KCNH7: variants seen among roughly 807,000 people sequenced by gnomAD.
The protein encoded by KCNH7 is voltage-gated inwardly rectifying potassium channel KCNH7.
In KCNH7, 49 loss-of-function variants were observed where a neutral mutation model predicts 120.8. The observed-to-expected ratio is 0.41, with a 90% CI of 0.32 to 0.51. The LOEUF (loss-of-function observed/expected upper bound fraction) is 0.51, where lower values mean the gene tolerates loss of function less well. Among genes scored for constraint, KCNH7 ranks in the 20% least tolerant of loss-of-function variants. The probability of loss-of-function intolerance (pLI) is 0.38; values close to 1 mark genes in which losing one functional copy is unlikely to be tolerated. For synonymous variants in KCNH7, 547 were observed against 516.1 expected (o/e 1.06, Z -0.81); for missense variants, 1,097 against 1,446.6 (o/e 0.76, Z 3.92).
rs1036144244 is a variant in KCNH7, at chr2:162,378,536, C to T, written c.3131+1317G>A. Among the ~76,000 whole-genome samples, 3 of 152,128 alleles carry T rather than the reference C, an allele frequency of 2.0e-5. No homozygotes were observed. The East Asian group carries it at 5.8e-4, about 29-fold the overall frequency. On this transcript the variant is annotated intron_variant, in intron 14 of 15. Transcript: ENST00000332142. ...GATGTGTTAAGTACAGATGAGTAAG[C>T]AAGCAGCTTGTTAAACATGGCAGAA...
intron 2 of KCNH7, among the ~76,000 whole-genome samples, chr2:162,574,112 T>C (rs996389962): frequency 3.3e-5 from 5 of 152,098 alleles, no homozygotes; most frequent in Non-Finnish European, 7.4e-5. Flanking sequence ...TGAATATCCA[T>C]TGAACAAATT....
At chr2:162,676,997 A>G (rs1685551810) in intron 2 of KCNH7, among the ~76,000 whole-genome samples, 1 of 151,508 alleles carries the variant, frequency 6.6e-6, no homozygotes, top group African/African-American at 2.4e-5. Context: ...AAATAATAAT[A>G]AATTAGTTTA....
At chr2:162,553,523 C>T (rs940504088) in intron 2 of KCNH7, among the ~76,000 whole-genome samples, 1 of 152,088 alleles carries the variant, frequency 6.6e-6, no homozygotes, top group African/African-American at 2.4e-5. Flanking sequence ...GTGGCGGGCG[C>T]CTGTAGTCCC....
chr2:162,587,674 G>A (rs1364693589), intron 2 of KCNH7, among the ~76,000 whole-genome samples: 3 of 151,366 alleles, frequency 2.0e-5, no homozygotes, highest in African/African-American at 4.9e-5. Flanking sequence ...CATTTTTTTC[G>A]AGAAAAGACA....
At chr2:162,505,948 A>T (rs1261328697) in intron 5 of KCNH7, among the ~76,000 whole-genome samples, 1 of 151,934 alleles carries the variant, frequency 6.6e-6, no homozygotes, top group Non-Finnish European at 1.5e-5. Context: ...TAAGAAATCA[A>T]TGCTCATCAT....
intron 6 of KCNH7, among the ~76,000 whole-genome samples, chr2:162,468,991 C>G (rs981161621): frequency 6.6e-6 from 1 of 152,132 alleles, no homozygotes; most frequent in Non-Finnish European, 1.5e-5. Context: ...GCTAGGACTA[C>G]AGGTGCATAC....
chr2:162,833,384 G>A (rs944618386), intron 2 of KCNH7, among the ~76,000 whole-genome samples: 5 of 151,922 alleles, frequency 3.3e-5, no homozygotes, highest in Admixed American at 6.6e-5. Flanking sequence ...TTGCTGAAAA[G>A]TGTTTTTAAA....
chr2:162,450,969 G>T (rs993480703), intron 6 of KCNH7, among the ~76,000 whole-genome samples: 2 of 151,938 alleles, frequency 1.3e-5, no homozygotes, highest in African/African-American at 2.4e-5. Flanking sequence ...AGAAATACTT[G>T]TTTCTTTATG....
chr2:162,654,853 T>A lies in KCNH7; in HGVS notation c.308-117773A>T, dbSNP rs566075000. ...AACAAATGGATAAGCCTGGAGGACA[T>A]TATATTAAATGAAATAAGTCAGGCA... is the stretch of plus-strand genomic sequence containing the variant. On this transcript the variant is annotated intron_variant, in intron 2 of 15. Transcript: ENST00000332142. Among the ~76,000 whole-genome samples, 6 of 152,258 alleles carry A rather than the reference T, an allele frequency of 3.9e-5. No individual in the cohort carries two copies. The South Asian group carries it at 1.0e-3, about 26-fold the overall frequency.
intron 2 of KCNH7, among the ~76,000 whole-genome samples, chr2:162,813,813 G>A (rs1445111462): frequency 2.0e-5 from 3 of 152,124 alleles, no homozygotes. Flanking sequence ...TTACTTCCAA[G>A]ACTACTAACT....
chr2:162,818,112 TTGA>T (rs1684978983), intron 2 of KCNH7, among the ~76,000 whole-genome samples: 2 of 151,998 alleles, frequency 1.3e-5, no homozygotes, highest in Non-Finnish European at 2.9e-5. Flanking sequence ...GTTTTTAATT[TTGA>T]TGATGTCATA....
chr2:162,452,437 C>G (rs1019041650), intron 6 of KCNH7, among the ~76,000 whole-genome samples: 1 of 152,064 alleles, frequency 6.6e-6, no homozygotes, highest in African/African-American at 2.4e-5. Flanking sequence ...CCTGTTTACA[C>G]AGCAGAATGT....
chr2:162,609,971 T>A (rs1682909012), intron 2 of KCNH7, among the ~76,000 whole-genome samples: 1 of 152,172 alleles, frequency 6.6e-6, no homozygotes, highest in African/African-American at 2.4e-5. Context: ...AGGGTTCAGA[T>A]TCTAAGCTAC....
chr2:162,731,850 G>A (rs1687741708), intron 2 of KCNH7, among the ~76,000 whole-genome samples: 1 of 152,086 alleles, frequency 6.6e-6, no homozygotes, highest in South Asian at 2.1e-4. Context: ...GGTAGGTATA[G>A]GGATATCAAT....
At chr2:162,658,776 A>G (rs893232651) in intron 2 of KCNH7, among the ~76,000 whole-genome samples, 8 of 151,842 alleles carry the variant, frequency 5.3e-5, no homozygotes, top group African/African-American at 1.9e-4. Context: ...CCAATCATTT[A>G]TTCTTGGTAC....
Position 162,470,052 on chromosome 2 carries a change from C to G in KCNH7, c.1129-23609G>C, listed in dbSNP as rs1051998280. On this transcript the variant is annotated intron_variant, in intron 6 of 15. Transcript: ENST00000332142. ...GGAGTGCAGTGGCGTGATCTCGGCTCGCTACAACCTCCATCTCCCAGCCGC... is the reference window on the plus strand; with the variant it reads ...GGAGTGCAGTGGCGTGATCTCGGCTGGCTACAACCTCCATCTCCCAGCCGC... 5.9e-5 allele frequency among the ~76,000 whole-genome samples: 9 copies of G among 152,296 alleles called. 1 individual carries two copies. The highest frequency in any genetic ancestry group is 4.6e-4 in the Admixed American group (7 of 15,310).
chr2:162,564,314 AG>A (rs1427812340), intron 2 of KCNH7, among the ~76,000 whole-genome samples: 1 of 152,166 alleles, frequency 6.6e-6, no homozygotes, highest in Admixed American at 6.6e-5. Flanking sequence ...GACTTGACAA[AG>A]GTTAAGAAAC....
At chr2:162,412,301 C>T (rs1054347448) in intron 9 of KCNH7, among the ~76,000 whole-genome samples, 4 of 151,828 alleles carry the variant, frequency 2.6e-5, no homozygotes, top group African/African-American at 4.8e-5. Context: ...TCTTATTGAA[C>T]TGGATTTTGT....
chr2:162,620,525 C>T (rs1463441721), intron 2 of KCNH7, among the ~76,000 whole-genome samples: 1 of 152,058 alleles, frequency 6.6e-6, no homozygotes, highest in Non-Finnish European at 1.5e-5. Context: ...CTTTAAAAGT[C>T]TTCTTCCAAC....
Sources: gnomAD v4.1 joint callset for allele counts (sites outside exome capture counted in the v4.1 genomes callset) on GRCh38, gnomAD v4.1.1 for gene constraint, MANE v1.5 for transcripts, NCBI Gene and HGNC (gene_info 2026-07-23, HGNC 2026-07-21) for gene names.